FHAD1: variants seen among roughly 807,000 people sequenced by gnomAD.
The protein encoded by FHAD1 is forkhead associated phosphopeptide binding domain 1, also known as forkhead-associated domain-containing protein 1.
In FHAD1, 146 loss-of-function variants were observed where a neutral mutation model predicts 191.3. The observed-to-expected ratio is 0.76, with a 90% CI of 0.67 to 0.88. The LOEUF is 0.88. Ranked by LOEUF, FHAD1 falls within the 40% of genes least tolerant of loss-of-function variation. FHAD1 has a pLI of 0.00. For synonymous variants in FHAD1, 616 were observed against 672.3 expected (o/e 0.92, Z 1.29); for missense variants, 1,635 against 1,785.8 (o/e 0.92, Z 1.52).
chr1:15,289,541 G>A lies in FHAD1; in HGVS notation c.443G>A (p.Trp148Ter). The A allele has an allele frequency of 6.4e-7, 1 of 1,551,856 alleles. No homozygotes were observed. Among genetic ancestry groups the A allele is most frequent in the Non-Finnish European group, 8.7e-7 (1 of 1,147,040 alleles). Reference protein sequence around the residue: ...GVQPAPMQRSWSQAFPRPTVV... With the variant: ...GVQPAPMQRS ...CAGCCAGCACCGATGCAAAGGAGCT[G>A]GTCCCAGGCCTTTCCCAGACCCACC... The change falls in exon 4 of 34, where the codon TGG becomes TAG. Residue 148 changes from tryptophan (W) to a stop codon, truncating the protein, a stop_gained. Transcript: ENST00000688493. LOFTEE classifies it high-confidence loss of function. The surrounding 1 kb of genome is among the most constrained non-coding windows in gnomAD (Gnocchi z 4.2).
intron 3 of FHAD1, among the ~76,000 whole-genome samples, chr1:15,286,023 G>A (rs959901843): frequency 2.6e-5 from 4 of 152,324 alleles, no homozygotes; most frequent in East Asian, 1.9e-4. Flanking sequence ...GAAGGGGAAT[G>A]GTGGTTACCA....
In FHAD1 at chr1:15,327,452, C is replaced by A. The variant is rs1403042416; in HGVS notation, c.1557+310C>A. ...GAGAAAGGGAGCCGCCTCCCCACAG[C>A]CAGTGCGTTCTGGCGCGTTCCTTCA... On this transcript the variant is annotated intron_variant, in intron 12 of 33. Transcript: ENST00000688493. The surrounding 1 kb of genome is among the most constrained non-coding windows in gnomAD (Gnocchi z 5.1). 4 of 279,170 alleles carry A rather than the reference C, an allele frequency of 1.4e-5. No individual in the cohort carries two copies. Among genetic ancestry groups the A allele is most frequent in the Non-Finnish European group, 2.7e-5 (4 of 148,446 alleles). The allele number at this position is 279,170 out of a possible 1,614,324, so 17.3% of individuals were successfully genotyped here. A position where few individuals can be genotyped will look rare whatever the true frequency, so the allele number is the denominator to read the frequency against.
chr1:15,301,344 C>T lies in FHAD1; in HGVS notation c.818C>T (p.Thr273Ile). 1 of 1,551,744 alleles carries T rather than the reference C, an allele frequency of 6.4e-7. No homozygotes were observed. ...ELSQKVSETTTSRQNEKEISQ... is the reference protein window; with the variant it reads ...ELSQKVSETTISRQNEKEISQ... The stretch of plus-strand genomic sequence containing the variant: ...AGTCAGAAGGTGTCAGAGACCACCA[C>T]CTCCAGGCAGAATGAGAAGGAGATC... Residue 273 changes from threonine to isoleucine, a missense_variant, in exon 6 of 34, where the codon ACC becomes ATC. Transcript: ENST00000688493.
At chr1:15,366,455 A>T (rs1374180899) in intron 24 of FHAD1, among the ~76,000 whole-genome samples, 1 of 152,206 alleles carries the variant, frequency 6.6e-6, no homozygotes, top group Non-Finnish European at 1.5e-5. Flanking sequence ...GGCGCAGGGC[A>T]CATTCTCCAG....
chr1:15,282,540 A>T (rs1488249262), intron 3 of FHAD1, among the ~76,000 whole-genome samples: 1 of 152,222 alleles, frequency 6.6e-6, no homozygotes, highest in Non-Finnish European at 1.5e-5. Flanking sequence ...TGTGAGTAAG[A>T]CGAAAGTGAA....
chr1:15,347,301 G>T (rs1689255057), intron 18 of FHAD1, among the ~76,000 whole-genome samples: 2 of 152,174 alleles, frequency 1.3e-5, no homozygotes, highest in South Asian at 4.1e-4. Context: ...GAGGCCACGG[G>T]GCTCAGGAGA....
chr1:15,349,435 G>T (rs1690057202), intron 19 of FHAD1, among the ~76,000 whole-genome samples: 1 of 152,228 alleles, frequency 6.6e-6, no homozygotes, highest in Admixed American at 6.5e-5. Flanking sequence ...CCCTCGGGAA[G>T]ATTTTTCTGC....
chr1:15,284,420 A>C (rs1343921863), intron 3 of FHAD1, among the ~76,000 whole-genome samples: 2 of 149,214 alleles, frequency 1.3e-5, no homozygotes, highest in African/African-American at 5.0e-5. Flanking sequence ...CGGAGCTTGC[A>C]GTGAGCTGAG....
rs1680476365 is a variant in FHAD1, at chr1:15,329,780, A to G, written c.1906+239A>G. ...GAAACAAAACAGAGGCAAAAGGAAA[A>G]TTAAATCGAAATTATGCAAAGTCTA... On this transcript the variant is annotated intron_variant, in intron 14 of 33. Transcript: ENST00000688493. The surrounding 1 kb of genome is among the most constrained non-coding windows in gnomAD (Gnocchi z 5.0). 2 of 499,188 alleles carry G rather than the reference A, an allele frequency of 4.0e-6. No homozygotes were observed. The highest frequency in any genetic ancestry group is 3.0e-5 in the East Asian group (1 of 32,898). 30.9% of individuals were successfully genotyped at this position (499,188 alleles called of 1,614,324 possible).
chr1:15,375,524 G>C lies in FHAD1; in HGVS notation c.3578-79G>C. 3 of 1,357,904 alleles carry C rather than the reference G, an allele frequency of 2.2e-6. No individual in the cohort carries two copies. In the South Asian group the frequency reaches 4.6e-5, roughly 21 times the overall value. The allele number at this position is 1,357,904 out of a possible 1,614,324, so 84.1% of individuals were successfully genotyped here. ...TAAAACAGGCCTGTGTAAGTGTCCT[G>C]TAAATAGTTGCTATGGTTATTACAT... On this transcript the variant is annotated intron_variant, in intron 27 of 33. Coordinates refer to ENST00000688493, the MANE Select transcript of FHAD1 (RefSeq NM_001391957.1).
intron 31 of FHAD1, among the ~76,000 whole-genome samples, chr1:15,386,038 A>G (rs1702018917): frequency 6.6e-6 from 1 of 152,236 alleles, no homozygotes; most frequent in Non-Finnish European, 1.5e-5. Context: ...GATAAGAGGC[A>G]GACTTGGAGT....
chr1:15,272,642 C>A, intron 3 of FHAD1, 113 bp downstream of exon 3: 1 of 938,562 alleles, frequency 1.1e-6, no homozygotes, highest in Non-Finnish European at 1.6e-6. Flanking sequence ...TGATCGCACG[C>A]TGCACACAGG....
intron 18 of FHAD1, among the ~76,000 whole-genome samples, chr1:15,348,113 A>AG (rs777310758): frequency 1.3e-5 from 2 of 152,228 alleles, no homozygotes; most frequent in Non-Finnish European, 2.9e-5. Context: ...AATAAACGTG[A>AG]AATTCTTATG....
chr1:15,384,105 C>G (rs1416423454), intron 31 of FHAD1: 1 of 178,486 alleles, frequency 5.6e-6, no homozygotes. Context: ...CAGAGAGAGC[C>G]AAACCCCCAG....
chr1:15,329,668 AC>A lies in FHAD1; in HGVS notation c.1906+132del. On this transcript the variant is annotated intron_variant, in intron 14 of 33. Coordinates refer to ENST00000688493, the MANE Select transcript of FHAD1 (RefSeq NM_001391957.1). The surrounding 1 kb of genome is among the most constrained non-coding windows in gnomAD (Gnocchi z 5.0). ...GGCCAAGTCTATTCCCTTCTCCAGA[AC>A]CCCCTGCTTCTCTGCTTGAGGCGTA... 1 of 757,648 alleles carries A rather than the reference AC, an allele frequency of 1.3e-6. No individual in the cohort carries two copies. The highest frequency in any genetic ancestry group is 2.1e-6 in the Non-Finnish European group (1 of 485,572). The allele number at this position is 757,648 out of a possible 1,614,324, so 46.9% of individuals were successfully genotyped here.
chr1:15,295,212 G>T (rs7547507), intron 4 of FHAD1, among the ~76,000 whole-genome samples: 63,551 of 151,910 alleles, frequency 0.42, 13,992 homozygotes, highest in African/African-American at 0.54. Context: ...TTGACATCCC[G>T]GTGCCTCAGT....
upstream of FHAD1, among the ~76,000 whole-genome samples, chr1:15,247,079 A>G (rs982006170): frequency 2.6e-5 from 4 of 152,178 alleles, no homozygotes; most frequent in Admixed American, 2.0e-4. Context: ...CCGCTTTCCT[A>G]TCTGTGAAAT....
At chr1:15,383,158 G>A (rs1701308792) in intron 31 of FHAD1, 3 of 471,706 alleles carry the variant, frequency 6.4e-6, no homozygotes, top group Non-Finnish European at 1.3e-5. Flanking sequence ...CTCATTAGTA[G>A]ATGGGAGCTT....
At chr1:15,247,737 T>C (rs1646262807) in intron 1 of FHAD1, among the ~76,000 whole-genome samples, 1 of 151,958 alleles carries the variant, frequency 6.6e-6, no homozygotes, top group Non-Finnish European at 1.5e-5. Context: ...TCAGAGAGAC[T>C]CCCCCCTTGC....
Sources: gnomAD v4.1 joint callset for allele counts (sites outside exome capture counted in the v4.1 genomes callset) on GRCh38, gnomAD v4.1.1 for gene constraint, Gnocchi (gnomAD v3.1) non-coding constraint, MANE v1.5 for transcripts, NCBI Gene and HGNC (gene_info 2026-07-23, HGNC 2026-07-21) for gene names.